Variants in KCMF1 observed in about 807,000 individuals in gnomAD.
The protein encoded by KCMF1 is potassium channel modulatory factor 1.
KCMF1 carries 3 observed loss-of-function variants against 41.1 expected under a neutral mutation model. The ratio of observed to expected loss-of-function variants is 0.07; its 90% CI spans 0.03 to 0.19. The LOEUF (loss-of-function observed/expected upper bound fraction) is 0.19, where lower values mean the gene tolerates loss of function less well. Among genes scored for constraint, KCMF1 ranks in the 10% least tolerant of loss-of-function variants. The pLI is 1.00. For synonymous variants in KCMF1, 142 were observed against 164.5 expected, an observed-to-expected ratio of 0.86 and a Z score of 1.04; for missense variants, 286 against 488.9, an observed-to-expected ratio of 0.58 and a Z score of 3.91.
intron 1 of KCMF1, among the ~76,000 whole-genome samples, chr2:85,019,752 ATG>A (rs1429910120): frequency 6.6e-6 from 1 of 150,944 alleles, no homozygotes; most frequent in Non-Finnish European, 1.5e-5. Context: ...ATATGTATAT[ATG>A]TGTGTGTATA....
intron 6 of KCMF1, among the ~76,000 whole-genome samples, chr2:85,051,608 C>T (rs1282514414): frequency 6.6e-6 from 1 of 152,060 alleles, no homozygotes; most frequent in East Asian, 1.9e-4. Context: ...TCTATGGTAC[C>T]ATGCAGTTTG....
At chr2:84,993,624 G>T (rs1252028744) in intron 1 of KCMF1, among the ~76,000 whole-genome samples, 10 of 151,782 alleles carry the variant, frequency 6.6e-5, no homozygotes, top group Admixed American at 2.0e-4. Context: ...GCCCCAGGCT[G>T]GAGTGCAATG....
chr2:85,004,467 G>A (rs1359435808), intron 1 of KCMF1, among the ~76,000 whole-genome samples: 10 of 151,954 alleles, frequency 6.6e-5, no homozygotes, highest in East Asian at 3.9e-4. Context: ...AGCCGAGATC[G>A]CGCCACTGCA....
At chr2:85,031,608 G>C (rs1192894700) in intron 2 of KCMF1, among the ~76,000 whole-genome samples, 1 of 152,220 alleles carries the variant, frequency 6.6e-6, no homozygotes, top group East Asian at 1.9e-4. Context: ...GCTAAGCTAT[G>C]ATGTTTGGTA....
chr2:84,995,451 A>G (rs1674154182), intron 1 of KCMF1, among the ~76,000 whole-genome samples: 1 of 152,190 alleles, frequency 6.6e-6, no homozygotes. Flanking sequence ...TTTTTATAAG[A>G]ATATGAGTGT....
At chr2:85,023,000 G>A (rs1331602235) in intron 1 of KCMF1, among the ~76,000 whole-genome samples, 1 of 145,680 alleles carries the variant, frequency 6.9e-6, no homozygotes, top group African/African-American at 2.5e-5. Flanking sequence ...CCATTCTCCT[G>A]CCTCAGTCTC....
intron 1 of KCMF1, among the ~76,000 whole-genome samples, chr2:85,026,140 A>G (rs1455932280): frequency 6.6e-6 from 1 of 151,776 alleles, no homozygotes; most frequent in Non-Finnish European, 1.5e-5. Context: ...ACAGGCGCCC[A>G]CCACCACGCC....
At chr2:84,982,412 T>C (rs1673786698) in intron 1 of KCMF1, among the ~76,000 whole-genome samples, 2 of 122,406 alleles carry the variant, frequency 1.6e-5, no homozygotes, top group Non-Finnish European at 3.5e-5. Flanking sequence ...TTTTTTTTTT[T>C]TTTTTTTTTT....
chr2:85,003,039 T>C (rs191398334), intron 1 of KCMF1, among the ~76,000 whole-genome samples: 3 of 152,354 alleles, frequency 2.0e-5, no homozygotes, highest in Non-Finnish European at 4.4e-5. Context: ...CTTGCTTGTT[T>C]ATTTGCTGGC....
intron 3 of KCMF1, among the ~76,000 whole-genome samples, chr2:85,043,241 C>T (rs1443538700): frequency 6.6e-6 from 1 of 152,084 alleles, no homozygotes; most frequent in Non-Finnish European, 1.5e-5. Flanking sequence ...TGGACTTACA[C>T]GTAAATGTGC....
In KCMF1 at chr2:85,008,305, A is replaced by AAT. The variant is rs1278723324; in HGVS notation, c.17-19581_17-19580dup. 5.3e-3 allele frequency among the ~76,000 whole-genome samples: 48 copies of AAT among 9,056 alleles called. 2 individuals carry two copies. Among genetic ancestry groups the AAT allele is most frequent in the African/African-American group, 0.01 (41 of 3,912 alleles). The allele number at this position is 9,056 out of a possible 152,430, so 5.9% of individuals were successfully genotyped here. A position where few individuals can be genotyped will look rare whatever the true frequency, so the allele number is the denominator to read the frequency against. ...ATGATATATAATATATATAATATATAATATGATATATATATCATATATAAT... is the reference window on the plus strand; with the variant it reads ...ATGATATATAATATATATAATATATAATATATGATATATATATCATATATAAT... On this transcript the variant is annotated intron_variant, in intron 1 of 6. Transcript: ENST00000409785.
At chr2:85,018,843 C>T (rs1290359124) in intron 1 of KCMF1, among the ~76,000 whole-genome samples, 1 of 112,836 alleles carries the variant, frequency 8.9e-6, no homozygotes, top group Non-Finnish European at 1.6e-5. Context: ...CTCGCTCTGT[C>T]GCCCAGGCTG....
At chr2:84,989,318 A>G (rs1318857062) in intron 1 of KCMF1, among the ~76,000 whole-genome samples, 1 of 152,220 alleles carries the variant, frequency 6.6e-6, no homozygotes, top group Non-Finnish European at 1.5e-5. Context: ...TTATAAAGGC[A>G]TCTCAAAAAA....
intron 1 of KCMF1, among the ~76,000 whole-genome samples, chr2:85,011,196 T>C (rs1476101267): frequency 6.6e-6 from 1 of 152,206 alleles, no homozygotes; most frequent in Non-Finnish European, 1.5e-5. Context: ...GTTTGGCTGG[T>C]GAAACCCCTT....
intron 1 of KCMF1, among the ~76,000 whole-genome samples, chr2:84,989,399 A>G (rs759610686): frequency 2.2e-4 from 34 of 152,306 alleles, no homozygotes; most frequent in Non-Finnish European, 7.4e-5. Flanking sequence ...TGAGGCAGAA[A>G]GGGAGGGATA....
At chr2:85,006,461 C>T (rs963803519) in intron 1 of KCMF1, among the ~76,000 whole-genome samples, 14 of 151,516 alleles carry the variant, frequency 9.2e-5, no homozygotes, top group Non-Finnish European at 2.9e-5. Flanking sequence ...CCACCATGCC[C>T]GGCTAATTTT....
intron 1 of KCMF1, among the ~76,000 whole-genome samples, chr2:84,983,494 C>T (rs1673818469): frequency 6.6e-6 from 1 of 151,660 alleles, no homozygotes; most frequent in South Asian, 2.1e-4. Flanking sequence ...ACCTGGCTAA[C>T]TTTTGTTTTG....
rs1558569476 is a variant in KCMF1, at chr2:84,998,916, A to AT, written c.16+27449_16+27450insT. Among the ~76,000 whole-genome samples the AT allele has an allele frequency of 4.7e-4, 48 of 102,264 alleles. 2 individuals carry two copies. The highest frequency in any genetic ancestry group is 2.0e-3 in the African/African-American group (39 of 19,188). 67.1% of individuals were successfully genotyped at this position (102,264 alleles called of 152,430 possible). A position where few individuals can be genotyped will look rare whatever the true frequency, so the allele number is the denominator to read the frequency against. ...TATGACCCACTGTGCTGGGCCTCTTACCTATCTATCTATCTATCTATCTAT... is the reference window on the plus strand; with the variant it reads ...TATGACCCACTGTGCTGGGCCTCTTATCCTATCTATCTATCTATCTATCTAT... On this transcript the variant is annotated intron_variant, in intron 1 of 6. Transcript: ENST00000409785.
chr2:85,010,599 A>G (rs985809086), intron 1 of KCMF1, among the ~76,000 whole-genome samples: 1 of 152,192 alleles, frequency 6.6e-6, no homozygotes, highest in African/African-American at 2.4e-5. Flanking sequence ...TGGCCAGTGC[A>G]ATTGAGGAAC....
Sources: allele counts gnomAD v4.1 joint callset (sites outside exome capture counted in the v4.1 genomes callset), GRCh38; gene constraint gnomAD v4.1.1; transcripts MANE v1.5; gene names NCBI Gene and HGNC (gene_info 2026-07-23, HGNC 2026-07-21).